Variants in SAMMSON observed in about 807,000 individuals in gnomAD.
SAMMSON encodes long intergenic non-protein coding RNA 1212.
chr3:70,016,891 G>C (rs1324827280), intron 3 of SAMMSON, among the ~76,000 whole-genome samples: 1 of 152,046 alleles, frequency 6.6e-6, no homozygotes, highest in Non-Finnish European at 1.5e-5. Context: ...AAGATCAGAT[G>C]GTTGTAGATA....
chr3:70,253,706 G>T (rs75549490), intron 6 of SAMMSON, among the ~76,000 whole-genome samples: 1 of 152,122 alleles, frequency 6.6e-6, no homozygotes, highest in South Asian at 2.1e-4. Context: ...CTGGGCTACA[G>T]TGCAAAACCC....
At chr3:70,257,432 G>A (rs1701827670) in intron 6 of SAMMSON, among the ~76,000 whole-genome samples, 1 of 151,870 alleles carries the variant, frequency 6.6e-6, no homozygotes, top group Admixed American at 6.6e-5. Context: ...TGGCCAAGAA[G>A]CAAAGAAGAA....
At chr3:70,207,811 C>A (rs1701306287) in intron 4 of SAMMSON, among the ~76,000 whole-genome samples, 1 of 151,882 alleles carries the variant, frequency 6.6e-6, no homozygotes. Flanking sequence ...ATATTAGAGA[C>A]CTGAGCATCT....
chr3:70,403,855 T>C (rs1172611039), intron 2 of SAMMSON, among the ~76,000 whole-genome samples: 1 of 152,198 alleles, frequency 6.6e-6, no homozygotes, highest in Non-Finnish European at 1.5e-5. Context: ...TGTGTGATAC[T>C]TATGATCCTT....
At chr3:70,182,435 A>G (rs1317509239) in intron 4 of SAMMSON, among the ~76,000 whole-genome samples, 2 of 152,150 alleles carry the variant, frequency 1.3e-5, no homozygotes, top group Admixed American at 1.3e-4. Context: ...TGGCCTTTAA[A>G]CTGTGTTTTA....
At chr3:70,016,394 G>A (rs752811952) in intron 3 of SAMMSON, among the ~76,000 whole-genome samples, 57 of 152,060 alleles carry the variant, frequency 3.7e-4, no homozygotes, top group Non-Finnish European at 6.5e-4. Context: ...CTTTTGAGAA[G>A]GATCTCTTCA....
intron 6 of SAMMSON, among the ~76,000 whole-genome samples, chr3:70,273,394 T>A (rs1030393540): frequency 6.6e-6 from 1 of 152,226 alleles, no homozygotes; most frequent in African/African-American, 2.4e-5. Flanking sequence ...AAGGGAAGTC[T>A]TAAAAGCTTC....
chr3:70,093,995 C>A (rs1429200248), intron 4 of SAMMSON, among the ~76,000 whole-genome samples: 1 of 152,094 alleles, frequency 6.6e-6, no homozygotes, highest in South Asian at 2.1e-4. Flanking sequence ...ATATGGGGAA[C>A]CAAAAACCTG....
chr3:70,217,883 A>C (rs950034222), intron 4 of SAMMSON, among the ~76,000 whole-genome samples: 6 of 152,268 alleles, frequency 3.9e-5, no homozygotes, highest in African/African-American at 1.4e-4. Flanking sequence ...ATCAGCATCT[A>C]TCAGGTTAAT....
At position 70,330,842 on chromosome 3, in the gene SAMMSON, A is replaced by G. The variant is rs891204210; in HGVS notation, n.740-23333A>G. Among the ~76,000 whole-genome samples, 3 of 152,310 alleles carry G rather than the reference A, an allele frequency of 2.0e-5. No homozygotes were observed. In the South Asian group the frequency reaches 6.2e-4, roughly 32 times the overall value. On this transcript the variant is annotated intron_variant and non_coding_transcript_variant, in intron 7 of 9. Coordinates refer to ENST00000642114, the Ensembl canonical transcript of SAMMSON. ...TTTAAATTTGTACACAAAATAATAT[A>G]AATAGACATTTGTTATATAGAATAT...
chr3:70,067,200 G>A (rs919904818), intron 3 of SAMMSON, among the ~76,000 whole-genome samples: 2 of 151,850 alleles, frequency 1.3e-5, no homozygotes, highest in Non-Finnish European at 2.9e-5. Flanking sequence ...TTTCCTTACG[G>A]TATTTTCCAT....
chr3:70,367,562 T>A (rs866248342), intron 9 of SAMMSON, among the ~76,000 whole-genome samples: 1 of 151,666 alleles, frequency 6.6e-6, no homozygotes, highest in Non-Finnish European at 1.5e-5. Context: ...GATTTCATCA[T>A]TTTTTATGGC....
At chr3:70,235,904 A>G (rs1380404656) in intron 4 of SAMMSON, among the ~76,000 whole-genome samples, 1 of 152,228 alleles carries the variant, frequency 6.6e-6, no homozygotes, top group Admixed American at 6.5e-5. Flanking sequence ...TAGTGGTTCA[A>G]TGGACGTAAG....
intron 2 of SAMMSON, among the ~76,000 whole-genome samples, chr3:70,414,209 C>T (rs1701244390): frequency 6.6e-6 from 1 of 152,080 alleles, no homozygotes; most frequent in Non-Finnish European, 1.5e-5. Flanking sequence ...TGGTTCACAA[C>T]ATGTAAAAAC....
intron 7 of SAMMSON, among the ~76,000 whole-genome samples, chr3:70,333,092 G>T (rs948936563): frequency 1.3e-5 from 2 of 152,016 alleles, no homozygotes; most frequent in African/African-American, 4.8e-5. Flanking sequence ...TGTCTTTTTA[G>T]AATTTTTTTT....
chr3:70,227,666 A>G (rs1295183783), intron 4 of SAMMSON, among the ~76,000 whole-genome samples: 3 of 152,212 alleles, frequency 2.0e-5, no homozygotes, highest in African/African-American at 7.2e-5. Context: ...ATACTACTTA[A>G]CAATTTCTAC....
At chr3:70,390,793 T>C (rs1701038829), downstream of SAMMSON, among the ~76,000 whole-genome samples, 1 of 151,960 alleles carries the variant, frequency 6.6e-6, no homozygotes, top group African/African-American at 2.4e-5. Context: ...TCACAGAAAA[T>C]AGTAAGGTAT....
chr3:70,332,607 T>G (rs1237295980), intron 7 of SAMMSON: 1 of 152,296 alleles, frequency 6.6e-6, no homozygotes, highest in Non-Finnish European at 1.5e-5. Flanking sequence ...AATTTGGTTT[T>G]TTTTTTGAGA....
intron 3 of SAMMSON, among the ~76,000 whole-genome samples, chr3:70,052,383 T>C (rs554893808): frequency 1.3e-5 from 2 of 152,206 alleles, no homozygotes; most frequent in Admixed American, 1.3e-4. Flanking sequence ...CCACCTCATC[T>C]CTTCTCTCCC....
Sources: gnomAD v4.1 joint callset for allele counts (sites outside exome capture counted in the v4.1 genomes callset) on GRCh38, gnomAD v4.1.1 for gene constraint, MANE v1.5 for transcripts, NCBI Gene and HGNC (gene_info 2026-07-23, HGNC 2026-07-21) for gene names.